Variants in FGF14 observed in about 807,000 individuals in gnomAD.
The protein encoded by FGF14 is fibroblast growth factor 14.
A neutral mutation model predicts 25.5 loss-of-function variants in FGF14; 5 were observed. The observed-to-expected ratio is 0.20, with a 90% CI of 0.10 to 0.41. The LOEUF (loss-of-function observed/expected upper bound fraction) is 0.41, where lower values mean the gene tolerates loss of function less well. Ranked by LOEUF, FGF14 falls within the 10% of genes least tolerant of loss-of-function variation. FGF14 has a pLI of 1.00. For synonymous variants in FGF14, 138 were observed against 118.3 expected (o/e 1.17, Z -1.08); for missense variants, 222 against 320.1 (o/e 0.69, Z 2.34).
chr13:102,336,891 T>C lies in FGF14; in HGVS notation c.208+64580A>G, dbSNP rs563209110. 3.3e-5 allele frequency among the ~76,000 whole-genome samples: 5 copies of C among 152,348 alleles called. No homozygotes were observed. The South Asian group carries it at 1.0e-3, about 32-fold the overall frequency. On this transcript the variant is annotated intron_variant, in intron 1 of 4. Transcript: ENST00000376131. ...ACTGTTTATAGCACAGTTTACTGAA[T>C]ATTTTAAACTCCCTGTTAAGACCTA... is the stretch of plus-strand genomic sequence containing the variant.
intron 1 of FGF14, among the ~76,000 whole-genome samples, chr13:102,370,663 T>TA (rs1225621775): frequency 7.3e-6 from 1 of 136,234 alleles, no homozygotes; most frequent in Non-Finnish European, 1.7e-5. Context: ...TTTATTTAAC[T>TA]AAGTGAGATA....
At chr13:101,907,185 C>T (rs995784274) in intron 1 of FGF14, among the ~76,000 whole-genome samples, 2 of 152,084 alleles carry the variant, frequency 1.3e-5, no homozygotes, top group African/African-American at 4.8e-5. Context: ...TCTGTCCAAA[C>T]ACAAATACAT....
intron 1 of FGF14, among the ~76,000 whole-genome samples, chr13:101,880,661 C>T (rs2138794277): frequency 6.6e-6 from 1 of 152,242 alleles, no homozygotes; most frequent in Non-Finnish European, 1.5e-5. Context: ...AGGAAAGAAA[C>T]TATAATATGG....
At chr13:102,079,535 T>C (rs79663299) in intron 1 of FGF14, among the ~76,000 whole-genome samples, 2,224 of 152,214 alleles carry the variant, frequency 0.015, 50 homozygotes, top group African/African-American at 0.048. Context: ...CCTGCCTCAA[T>C]CTCCCAAAAT....
At chr13:101,962,159 G>T (rs535118240) in intron 1 of FGF14, among the ~76,000 whole-genome samples, 2 of 152,248 alleles carry the variant, frequency 1.3e-5, no homozygotes, top group East Asian at 3.9e-4. Context: ...GGGCATTATG[G>T]CCATTTTCAA....
chr13:102,298,586 T>A (rs1218001231), intron 1 of FGF14, among the ~76,000 whole-genome samples: 4 of 152,176 alleles, frequency 2.6e-5, no homozygotes, highest in African/African-American at 9.6e-5. Flanking sequence ...ATTTGGTAAG[T>A]TCCGGTTTTT....
At chr13:101,742,310 T>G (rs189247078) in intron 3 of FGF14, among the ~76,000 whole-genome samples, 1 of 152,286 alleles carries the variant, frequency 6.6e-6, no homozygotes, top group African/African-American at 2.4e-5. Context: ...TCTGCACATG[T>G]ATCCCAGAAC....
intron 3 of FGF14, among the ~76,000 whole-genome samples, chr13:101,751,568 G>T (rs1465352149): frequency 6.6e-6 from 1 of 152,022 alleles, no homozygotes; most frequent in African/African-American, 2.4e-5. Context: ...TAAAAGCCCA[G>T]GTTGACGAAG....
intron 1 of FGF14, among the ~76,000 whole-genome samples, chr13:102,169,062 G>A (rs1417757741): frequency 6.6e-6 from 1 of 151,540 alleles, no homozygotes; most frequent in Non-Finnish European, 1.5e-5. Flanking sequence ...CTAGAGCACT[G>A]ATTCTGTCAT....
At chr13:102,241,266 G>C (rs2051584542) in intron 1 of FGF14, among the ~76,000 whole-genome samples, 2 of 152,026 alleles carry the variant, frequency 1.3e-5, no homozygotes, top group African/African-American at 2.4e-5. Flanking sequence ...AGATAGGACA[G>C]ATTACATGCA....
intron 1 of FGF14, among the ~76,000 whole-genome samples, chr13:102,264,004 C>T (rs1594634366): frequency 1.0e-5 from 1 of 96,624 alleles, no homozygotes; most frequent in Non-Finnish European, 1.9e-5. Flanking sequence ...TAGAGGTTTT[C>T]TCTTTCCTTT....
intron 3 of FGF14, among the ~76,000 whole-genome samples, chr13:101,826,332 C>T (rs189186346): frequency 4.6e-5 from 7 of 152,192 alleles, no homozygotes; most frequent in African/African-American, 1.4e-4. Context: ...ATTTATGAGT[C>T]TGAGGATAAT....
chr13:102,095,522 A>G (rs2044353970), intron 1 of FGF14, among the ~76,000 whole-genome samples: 1 of 152,154 alleles, frequency 6.6e-6, no homozygotes, highest in African/African-American at 2.4e-5. Flanking sequence ...AGAAATTACA[A>G]TGTATTTTCA....
intron 1 of FGF14, among the ~76,000 whole-genome samples, chr13:102,027,094 A>T (rs898958232): frequency 5.3e-5 from 8 of 152,008 alleles, no homozygotes; most frequent in South Asian, 4.1e-4. Context: ...CTCCTTTGGC[A>T]TAGTCAATTC....
intron 1 of FGF14, among the ~76,000 whole-genome samples, chr13:102,232,417 T>G (rs1184469612): frequency 6.6e-6 from 1 of 152,186 alleles, no homozygotes; most frequent in African/African-American, 2.4e-5. Flanking sequence ...TAGGCAAACA[T>G]TCAGTGACAA....
intron 1 of FGF14, among the ~76,000 whole-genome samples, chr13:102,228,165 C>A (rs1020261291): frequency 1.3e-5 from 2 of 152,114 alleles, no homozygotes; most frequent in African/African-American, 4.8e-5. Context: ...TTGTTTTCAT[C>A]CAAAATGAAC....
At chr13:101,969,838 G>A (rs184834052) in intron 1 of FGF14, among the ~76,000 whole-genome samples, 1 of 152,262 alleles carries the variant, frequency 6.6e-6, no homozygotes, top group East Asian at 1.9e-4. Flanking sequence ...TTGCTCTATT[G>A]TTCTAGTCTA....
At chr13:101,838,098 T>C (rs1214415097) in intron 3 of FGF14, among the ~76,000 whole-genome samples, 1 of 151,998 alleles carries the variant, frequency 6.6e-6, no homozygotes, top group Non-Finnish European at 1.5e-5. Context: ...AGAAGGCCTA[T>C]TGTGGGACCT....
chr13:102,275,203 C>T (rs1309200878), intron 1 of FGF14, among the ~76,000 whole-genome samples: 1 of 149,386 alleles, frequency 6.7e-6, no homozygotes, highest in African/African-American at 2.5e-5. Flanking sequence ...CCTGCAGAAG[C>T]TGCTAATCTG....
Sources: gnomAD v4.1 joint callset for allele counts (sites outside exome capture counted in the v4.1 genomes callset) on GRCh38, gnomAD v4.1.1 for gene constraint, MANE v1.5 for transcripts, NCBI Gene and HGNC (gene_info 2026-07-23, HGNC 2026-07-21) for gene names.